The following PLSCR4 variants were observed in gnomAD, a reference collection of about 807,000 sequenced individuals.
PLSCR4 encodes phospholipid scramblase 4.
Under a neutral mutation model 36.3 loss-of-function variants are expected in PLSCR4, and 25 were observed. That is an observed-to-expected ratio of 0.69 (90% confidence interval 0.50 to 0.96). The LOEUF is 0.96. PLSCR4 is among the 40% of genes least tolerant of loss of function. The pLI, the probability that PLSCR4 is intolerant of heterozygous loss-of-function variation, is 0.00. For missense variants in PLSCR4, 408 were observed against 414.7 expected (o/e 0.98, Z 0.14); for synonymous variants, 122 against 132.9 (o/e 0.92, Z 0.56).
chr3:146,231,896 T>C (rs79347820), intron 1 of PLSCR4, among the ~76,000 whole-genome samples: 1,691 of 152,238 alleles, frequency 0.011, 34 homozygotes, highest in African/African-American at 0.038. Context: ...TTAGTTGCAA[T>C]TGCTTTTGGA....
chr3:146,219,299 G>A (rs1276976073), intron 3 of PLSCR4, among the ~76,000 whole-genome samples: 2 of 152,118 alleles, frequency 1.3e-5, no homozygotes, highest in African/African-American at 4.8e-5. Context: ...TCTCAGAAAT[G>A]GTGAAGTTTC....
intron 7 of PLSCR4, 51 bp from the exon 8 acceptor site, chr3:146,195,333 G>A (rs370478865): frequency 8.5e-5 from 119 of 1,394,880 alleles, no homozygotes; most frequent in Admixed American, 3.2e-4. Flanking sequence ...ATTGAAGCAT[G>A]TTTTAATGTT....
chr3:146,217,978 T>A, intron 3 of PLSCR4, among the ~76,000 whole-genome samples: 1 of 151,700 alleles, frequency 6.6e-6, no homozygotes, highest in African/African-American at 2.4e-5. Context: ...GAGAAGGAGA[T>A]GGGGAAGGGC....
intron 1 of PLSCR4, among the ~76,000 whole-genome samples, chr3:146,244,129 T>C (rs540239678): frequency 2.6e-5 from 4 of 152,338 alleles, no homozygotes; most frequent in South Asian, 2.1e-4. Context: ...TCAGGAATGA[T>C]GGTGACGTCA....
rs561492926 is a variant in PLSCR4, at chr3:146,195,316, G to C, written c.787-34C>G. 7.7e-5 allele frequency: 118 copies of C among 1,541,292 alleles called. 1 individual carries two copies. The East Asian group carries it at 2.6e-3, about 35-fold the overall frequency. On this transcript the variant is annotated intron_variant, in intron 7 of 8. Transcript: ENST00000354952. ...ACAAGAATGTGCCTTTATGATGATT[G>C]AAACGCATTGAAGCATGTTTTAATG...
intron 7 of PLSCR4, among the ~76,000 whole-genome samples, chr3:146,195,594 T>A (rs996247712): frequency 2.0e-5 from 3 of 152,156 alleles, no homozygotes; most frequent in Non-Finnish European, 4.4e-5. Context: ...AGGGTGGGAA[T>A]TGGGAGAGAG....
intron 1 of PLSCR4, among the ~76,000 whole-genome samples, chr3:146,231,178 T>C (rs1224515335): frequency 3.3e-5 from 5 of 152,206 alleles, no homozygotes; most frequent in African/African-American, 7.2e-5. Context: ...TGCATCCATG[T>C]TGCTATATAG....
chr3:146,235,397 T>C (rs565534561), intron 1 of PLSCR4, among the ~76,000 whole-genome samples: 6 of 152,224 alleles, frequency 3.9e-5, no homozygotes, highest in South Asian at 4.1e-4. Flanking sequence ...TGGCTCCCCA[T>C]TTGCCTTCTG....
intron 1 of PLSCR4, among the ~76,000 whole-genome samples, chr3:146,249,947 C>CTTCT (rs2036482164): frequency 6.6e-6 from 1 of 152,074 alleles, no homozygotes. Flanking sequence ...CATCAACTGA[C>CTTCT]TTCTATAAAT....
intron 4 of PLSCR4, among the ~76,000 whole-genome samples, chr3:146,201,869 C>A (rs919756712): frequency 5.3e-5 from 8 of 151,964 alleles, no homozygotes; most frequent in Non-Finnish European, 8.8e-5. Flanking sequence ...GAAAAGAAAC[C>A]TTCTTGAGGA....
intron 3 of PLSCR4, among the ~76,000 whole-genome samples, chr3:146,217,540 AG>A: frequency 6.6e-6 from 1 of 152,350 alleles, no homozygotes; most frequent in South Asian, 2.1e-4. Flanking sequence ...CAGATTAGGC[AG>A]GAAGTACTTG....
intron 4 of PLSCR4, among the ~76,000 whole-genome samples, 187 bp downstream of exon 4, chr3:146,206,339 C>T (rs2034326051): frequency 6.6e-6 from 1 of 152,094 alleles, no homozygotes; most frequent in East Asian, 1.9e-4. Flanking sequence ...CCACTATAAA[C>T]ATCCTTGTAC....
chr3:146,218,735 C>G (rs2035004287), intron 3 of PLSCR4, among the ~76,000 whole-genome samples: 1 of 152,152 alleles, frequency 6.6e-6, no homozygotes, highest in Non-Finnish European at 1.5e-5. Flanking sequence ...GCATCTCAGA[C>G]TTACGTAAAT....
rs758840537 is a variant in PLSCR4 at position 146,196,772 on chromosome 3, CAGG to C, written c.643_645del (p.Pro215del). On this transcript the variant is annotated inframe_deletion, in exon 7 of 9. Transcript: ENST00000354952. ...TCCGCAACAAAGCCAATGGTGACAC[CAGG>C]AGGACACTGCACCTCCAGCTGCAAA... is the stretch of plus-strand genomic sequence containing the variant. The C allele has an allele frequency of 2.5e-6, 4 of 1,613,738 alleles. No individual in the cohort carries two copies. Among genetic ancestry groups the C allele is most frequent in the Admixed American group, 3.3e-5 (2 of 59,906 alleles).
At chr3:146,234,109 A>C (rs2035823125) in intron 1 of PLSCR4, among the ~76,000 whole-genome samples, 1 of 152,200 alleles carries the variant, frequency 6.6e-6, no homozygotes, top group African/African-American at 2.4e-5. Context: ...AACAGAATGA[A>C]TGAACAGCTA....
intron 3 of PLSCR4, 41 bp from the exon 4 acceptor site, chr3:146,206,802 C>A (rs767201098): frequency 8.9e-6 from 11 of 1,242,068 alleles, no homozygotes; most frequent in Middle Eastern, 4.1e-4. Context: ...ATTATTAACA[C>A]TAAAGTTAGC....
chr3:146,211,492 G>A, intron 3 of PLSCR4, among the ~76,000 whole-genome samples: 1 of 152,070 alleles, frequency 6.6e-6, no homozygotes, highest in East Asian at 1.9e-4. Context: ...CTCTCATTGT[G>A]TAGGTTGTCT....
chr3:146,216,165 A>G (rs1361211791), intron 3 of PLSCR4, among the ~76,000 whole-genome samples: 1 of 152,202 alleles, frequency 6.6e-6, no homozygotes, highest in Non-Finnish European at 1.5e-5. Flanking sequence ...CGGGAAGCGG[A>G]GGTTACAGTT....
At chr3:146,230,966 T>C (rs1396326235) in intron 1 of PLSCR4, among the ~76,000 whole-genome samples, 1 of 148,820 alleles carries the variant, frequency 6.7e-6, no homozygotes, top group East Asian at 1.9e-4. Flanking sequence ...CTTCATCACA[T>C]ATGTAATGAG....
Sources: allele counts gnomAD v4.1 joint callset (sites outside exome capture counted in the v4.1 genomes callset), GRCh38; gene constraint gnomAD v4.1.1; transcripts MANE v1.5; gene names NCBI Gene and HGNC (gene_info 2026-07-23, HGNC 2026-07-21).